The following RBFOX1 variants were observed in gnomAD, a reference collection of about 807,000 sequenced individuals.
RBFOX1 encodes the protein RNA binding protein fox-1 homolog 1.
A neutral mutation model predicts 57.7 loss-of-function variants in RBFOX1; 8 were observed. The ratio of observed to expected loss-of-function variants is 0.14; its 90% CI spans 0.08 to 0.25. The LOEUF (loss-of-function observed/expected upper bound fraction) is 0.25. RBFOX1 is among the 10% of genes least tolerant of loss of function. The pLI, the probability that RBFOX1 is intolerant of heterozygous loss-of-function variation, is 1.00. For missense variants in RBFOX1, 611 were observed against 548.5 expected (o/e 1.11, Z -1.14); for synonymous variants, 326 against 222.4 (o/e 1.47, Z -4.15).
chr16:6,132,561 C>T lies in RBFOX1; in HGVS notation c.-127+112569C>T, dbSNP rs74005147. ...AGTACGGTACCTACTGCCATAAGTT[C>T]AGTTACTCACTGGGGAACATAGTCC... On this transcript the variant is annotated intron_variant, in intron 1 of 15. Transcript: ENST00000550418. Among the ~76,000 whole-genome samples the T allele has an allele frequency of 5.0e-3, 768 of 152,248 alleles. 14 individuals are homozygous for T. Among genetic ancestry groups the T allele is most frequent in the African/African-American group, 0.017 (707 of 41,556 alleles).
At chr16:6,461,468 T>C (rs1188055445) in intron 2 of RBFOX1, among the ~76,000 whole-genome samples, 2 of 152,216 alleles carry the variant, frequency 1.3e-5, no homozygotes, top group African/African-American at 4.8e-5. Flanking sequence ...TTTAACTATA[T>C]TCCCATCCAT....
chr16:6,375,740 C>T (rs1055963557), intron 2 of RBFOX1, among the ~76,000 whole-genome samples: 8 of 152,082 alleles, frequency 5.3e-5, no homozygotes, highest in South Asian at 2.1e-4. Flanking sequence ...TGGTTTCTGA[C>T]GGAGCGAGAA....
chr16:7,192,146 G>A (rs1322258585), intron 4 of RBFOX1, among the ~76,000 whole-genome samples: 2 of 152,212 alleles, frequency 1.3e-5, no homozygotes. Flanking sequence ...GAAGGGGGTA[G>A]GTAGTAGAAG....
chr16:7,209,853 A>G (rs1436341318), intron 4 of RBFOX1, among the ~76,000 whole-genome samples: 1 of 152,148 alleles, frequency 6.6e-6, no homozygotes, highest in African/African-American at 2.4e-5. Flanking sequence ...AGGGAAGCTG[A>G]AGTGGCACAC....
chr16:6,734,636 T>A (rs1603475420), intron 3 of RBFOX1, among the ~76,000 whole-genome samples: 1 of 152,194 alleles, frequency 6.6e-6, no homozygotes, highest in East Asian at 1.9e-4. Flanking sequence ...AGACATTCTT[T>A]TCTTTGTGAT....
chr16:7,303,977 T>TG (rs1568117100), intron 4 of RBFOX1, among the ~76,000 whole-genome samples: 3 of 151,468 alleles, frequency 2.0e-5, no homozygotes, highest in Admixed American at 1.3e-4. Context: ...GGGTATGGGG[T>TG]GGGGGGCCCC....
At chr16:7,489,874 A>G (rs2066475314) in intron 4 of RBFOX1, among the ~76,000 whole-genome samples, 1 of 152,040 alleles carries the variant, frequency 6.6e-6, no homozygotes, top group African/African-American at 2.4e-5. Context: ...ATAACATTTT[A>G]TTTCCACCTT....
At chr16:6,047,100 T>G (rs1406423988) in intron 1 of RBFOX1, among the ~76,000 whole-genome samples, 5 of 152,196 alleles carry the variant, frequency 3.3e-5, no homozygotes, top group Non-Finnish European at 7.3e-5. Context: ...CATTATCATA[T>G]GGAATGATTA....
At chr16:6,850,580 C>T (rs999859811) in intron 3 of RBFOX1, among the ~76,000 whole-genome samples, 4 of 152,154 alleles carry the variant, frequency 2.6e-5, no homozygotes, top group Admixed American at 6.6e-5. Context: ...CCCTACTGGC[C>T]TTAACAAATT....
At chr16:6,704,499 A>G (rs1360578892) in intron 3 of RBFOX1, 4 of 152,240 alleles carry the variant, frequency 2.6e-5, no homozygotes, top group African/African-American at 4.8e-5. Flanking sequence ...CCCAGAGGCC[A>G]TTGCAGCTGC....
chr16:6,449,161 A>G (rs781063146), intron 2 of RBFOX1, among the ~76,000 whole-genome samples: 10 of 152,204 alleles, frequency 6.6e-5, no homozygotes, highest in Non-Finnish European at 1.3e-4. Context: ...GGAGAGAGGA[A>G]TGGAGACTTT....
intron 3 of RBFOX1, among the ~76,000 whole-genome samples, chr16:6,741,788 C>A (rs1007823207): frequency 2.0e-5 from 3 of 151,980 alleles, no homozygotes; most frequent in Non-Finnish European, 4.4e-5. Flanking sequence ...GAATTAATAT[C>A]TATAAATTTA....
chr16:5,285,085 A>G (rs544978776), intron 1 of RBFOX1, among the ~76,000 whole-genome samples: 1 of 152,074 alleles, frequency 6.6e-6, no homozygotes, highest in African/African-American at 2.4e-5. Flanking sequence ...TCCATCTGGA[A>G]CTCCAAGAAT....
intron 3 of RBFOX1, among the ~76,000 whole-genome samples, chr16:5,679,220 C>T (rs2050256365): frequency 6.6e-6 from 1 of 152,170 alleles, no homozygotes; most frequent in Non-Finnish European, 1.5e-5. Flanking sequence ...TTTAATCCAA[C>T]CAGGAGTTTT....
chr16:5,668,774 G>C (rs1255414465), intron 3 of RBFOX1, among the ~76,000 whole-genome samples: 1 of 152,160 alleles, frequency 6.6e-6, no homozygotes, highest in African/African-American at 2.4e-5. Context: ...TCTAACATAT[G>C]AGGTCATTCA....
At chr16:6,559,296 C>G (rs2097147661) in intron 2 of RBFOX1, among the ~76,000 whole-genome samples, 1 of 152,062 alleles carries the variant, frequency 6.6e-6, no homozygotes, top group Non-Finnish European at 1.5e-5. Context: ...TATTCATTCT[C>G]TCAGTCTATT....
intron 1 of RBFOX1, among the ~76,000 whole-genome samples, chr16:6,026,707 T>C (rs1401215014): frequency 6.6e-6 from 1 of 152,264 alleles, no homozygotes; most frequent in African/African-American, 2.4e-5. Context: ...GCTAGATTTC[T>C]GCACTGGTGC....
At chr16:6,224,345 A>G (rs1427263562) in intron 1 of RBFOX1, among the ~76,000 whole-genome samples, 1 of 152,088 alleles carries the variant, frequency 6.6e-6, no homozygotes, top group Non-Finnish European at 1.5e-5. Flanking sequence ...TGAGCATGGA[A>G]TGTTCTTCTG....
chr16:7,412,370 G>A (rs4525508), intron 4 of RBFOX1, among the ~76,000 whole-genome samples: 119,046 of 148,630 alleles, frequency 0.8, 49,154 homozygotes, highest in South Asian at 0.95. Context: ...AGCCGAGATC[G>A]CACCAGTGCA....
Sources: gnomAD v4.1 joint callset for allele counts (sites outside exome capture counted in the v4.1 genomes callset) on GRCh38, gnomAD v4.1.1 for gene constraint, MANE v1.5 for transcripts, NCBI Gene and HGNC (gene_info 2026-07-23, HGNC 2026-07-21) for gene names.